The following CEP170 variants were observed in gnomAD, a reference collection of about 807,000 sequenced individuals.
CEP170 encodes centrosomal protein of 170 kDa.
In CEP170, 21 loss-of-function variants were observed where a neutral mutation model predicts 151.9. The ratio of observed to expected loss-of-function variants is 0.14; its 90% CI spans 0.10 to 0.20. The LOEUF (loss-of-function observed/expected upper bound fraction) is 0.20, where lower values mean the gene tolerates loss of function less well. Among genes scored for constraint, CEP170 ranks in the 10% least tolerant of loss-of-function variants. CEP170 has a pLI of 1.00. For missense variants in CEP170, 964 were observed against 1,892.9 expected, an observed-to-expected ratio of 0.51 and a Z score of 9.11; for synonymous variants, 356 against 648.8, an observed-to-expected ratio of 0.55 and a Z score of 6.86.
In CEP170 at chr1:243,207,474, G is replaced by A. The variant is rs142792687; in HGVS notation, c.274+4412C>T. Among the ~76,000 whole-genome samples the A allele has an allele frequency of 6.6e-3, 1,007 of 152,280 alleles. 11 individuals are homozygous for A. Among genetic ancestry groups the A allele is most frequent in the African/African-American group, 0.023 (956 of 41,560 alleles). On this transcript the variant is annotated intron_variant, in intron 4 of 19. Transcript: ENST00000366542. ...TACCCCTTTCTTAATAATTGAAAGA[G>A]TAAGAAGACAATAAATCAGTAAAAT...
chr1:243,181,457 A>T (rs2059612491), intron 10 of CEP170, among the ~76,000 whole-genome samples: 1 of 152,134 alleles, frequency 6.6e-6, no homozygotes, highest in Non-Finnish European at 1.5e-5. Context: ...CAAAATACAA[A>T]CCCAAATGCT....
intron 10 of CEP170, among the ~76,000 whole-genome samples, chr1:243,178,807 C>G (rs1022448667): frequency 4.6e-5 from 7 of 152,014 alleles, no homozygotes; most frequent in African/African-American, 1.4e-4. Flanking sequence ...CAACCTCCGC[C>G]TCCCGGGTTC....
At chr1:243,220,997 C>T (rs2062749295) in intron 3 of CEP170, among the ~76,000 whole-genome samples, 2 of 152,096 alleles carry the variant, frequency 1.3e-5, no homozygotes, top group Admixed American at 1.3e-4. Flanking sequence ...AAGTTGTCTA[C>T]TCTCTGGCAC....
chr1:243,209,629 T>C (rs959531370), intron 4 of CEP170, among the ~76,000 whole-genome samples: 2 of 152,004 alleles, frequency 1.3e-5, no homozygotes, highest in Admixed American at 1.3e-4. Context: ...AGTAAATATA[T>C]AAAACCTGCT....
chr1:243,159,255 TA>T (rs1322323694), intron 13 of CEP170, among the ~76,000 whole-genome samples: 1 of 151,940 alleles, frequency 6.6e-6, no homozygotes, highest in Admixed American at 6.6e-5. Flanking sequence ...GTGGAAAACA[TA>T]TCACACATGG....
chr1:243,139,471 T>C (rs1424997046), intron 16 of CEP170, among the ~76,000 whole-genome samples: 1 of 151,910 alleles, frequency 6.6e-6, no homozygotes, highest in Non-Finnish European at 1.5e-5. Context: ...ATAGGCTGTA[T>C]GTTTTGCAAA....
At chr1:243,158,769 T>C (rs944035837) in intron 13 of CEP170, among the ~76,000 whole-genome samples, 1 of 152,100 alleles carries the variant, frequency 6.6e-6, no homozygotes, top group African/African-American at 2.4e-5. Context: ...TAATATCTTT[T>C]AAAAGCAATC....
At chr1:243,191,843 T>A (rs576255543) in intron 7 of CEP170, among the ~76,000 whole-genome samples, 1 of 152,232 alleles carries the variant, frequency 6.6e-6, no homozygotes, top group East Asian at 1.9e-4. Flanking sequence ...TAGATGGAGA[T>A]GCATGTTCAA....
intron 14 of CEP170, among the ~76,000 whole-genome samples, chr1:243,153,016 T>C (rs1035288747): frequency 2.5e-4 from 38 of 152,132 alleles, no homozygotes; most frequent in African/African-American, 9.2e-4. Context: ...GGTAAAAATA[T>C]CAAGATTAAC....
intron 10 of CEP170, among the ~76,000 whole-genome samples, chr1:243,181,638 G>A (rs2059623358): frequency 6.6e-6 from 1 of 152,150 alleles, no homozygotes; most frequent in Admixed American, 6.5e-5. Flanking sequence ...TACACGGTTT[G>A]CTCATCTTCT....
chr1:243,225,985 A>ATC (rs1553395340), intron 1 of CEP170, among the ~76,000 whole-genome samples: 30 of 149,052 alleles, frequency 2.0e-4, no homozygotes, highest in South Asian at 4.2e-4. Flanking sequence ...CTATCTATCT[A>ATC]TATATATACA....
At chr1:243,209,750 G>A (rs2061658043) in intron 4 of CEP170, among the ~76,000 whole-genome samples, 1 of 151,924 alleles carries the variant, frequency 6.6e-6, no homozygotes, top group Non-Finnish European at 1.5e-5. Flanking sequence ...CACGATCTCG[G>A]CTCACTGCAA....
At chr1:243,187,011 T>C (rs2059980363) in intron 8 of CEP170, among the ~76,000 whole-genome samples, 1 of 152,200 alleles carries the variant, frequency 6.6e-6, no homozygotes, top group Non-Finnish European at 1.5e-5. Context: ...TTTCCACATA[T>C]CTTTCCAGCT....
At chr1:243,147,305 G>T (rs753157337) in intron 14 of CEP170, among the ~76,000 whole-genome samples, 7 of 152,144 alleles carry the variant, frequency 4.6e-5, no homozygotes, top group Non-Finnish European at 1.0e-4. Flanking sequence ...TAAAAGCAAT[G>T]AACATAACCA....
Position 243,156,380 on chromosome 1 carries a change from G to C in CEP170, c.3752C>G (p.Ser1251Cys), listed in dbSNP as rs754527611. 16 of 1,562,414 alleles carry C rather than the reference G, an allele frequency of 1.0e-5. No individual in the cohort carries two copies. Among genetic ancestry groups the C allele is most frequent in the Non-Finnish European group, 1.4e-5 (16 of 1,153,150 alleles). ...AGTACGTAGACGGGTATGTTTAGGG[G>C]AATTACGGTTTGATCCAAATTCATC... ...SEDEFGSNRN[S>C]PKHTRLRTSP... Residue 1251 changes from serine to cysteine, a missense_variant, in exon 14 of 20, where the codon TCC becomes TGC. Transcript: ENST00000366542.
chr1:243,241,754 C>T (rs1250493605), intron 1 of CEP170, among the ~76,000 whole-genome samples: 1 of 150,758 alleles, frequency 6.6e-6, no homozygotes, highest in African/African-American at 2.4e-5. Flanking sequence ...CTCACCACTG[C>T]ACTCCAGCCT....
chr1:243,156,826 C>CA lies in CEP170; in HGVS notation c.3677-372dup, dbSNP rs57953182. ...TACTTGAGTGAAAATATGAATTTTT[C>CA]AAAAAAAAAAAGACAGTAACAACAT... On this transcript the variant is annotated intron_variant, in intron 13 of 19. Transcript: ENST00000366542. The CA allele has an allele frequency of 2.7e-3, 329 of 122,804 alleles. 1 individual carries two copies. The highest frequency in any genetic ancestry group is 0.012 in the South Asian group (42 of 3,626). The allele number at this position is 122,804 out of a possible 1,614,324, so 7.6% of individuals were successfully genotyped here.
chr1:243,242,354 G>A lies in CEP170; in HGVS notation c.-42+12686C>T, dbSNP rs190558411. Among the ~76,000 whole-genome samples, 690 of 152,204 alleles carry A rather than the reference G, an allele frequency of 4.5e-3. 6 individuals carry two copies. The highest frequency in any genetic ancestry group is 3.8e-3 in the Admixed American group (58 of 15,288). On this transcript the variant is annotated intron_variant, in intron 1 of 19. Transcript: ENST00000366542. ...CTGCCTCAGCCTCCCGAGTAACTGGGACTACAGGCGCCCGCCACCACGCCC... is the reference window on the plus strand; with the variant it reads ...CTGCCTCAGCCTCCCGAGTAACTGGAACTACAGGCGCCCGCCACCACGCCC...
chr1:243,126,466 C>G lies in CEP170; in HGVS notation c.4738G>C (p.Val1580Leu), dbSNP rs527593479. ...AGAGAAAGTCATTCTTGTACTGTAA[C>G]ATCTTCCTCTTCCCCATCGGGGTTG... ...RFNPDGEEED[V>L]TVQE is the part of the protein sequence containing the mutation. The change falls in exon 20 of 20, where the codon GTT becomes CTT. Residue 1580 changes from valine to leucine, a missense_variant. By Grantham distance (32) the Val-to-Leu change is conservative (BLOSUM62 1). Coordinates refer to ENST00000366542, the MANE Select transcript of CEP170 (RefSeq NM_014812.3). 10 of 1,608,728 alleles carry G rather than the reference C, an allele frequency of 6.2e-6. No homozygotes were observed. The highest frequency in any genetic ancestry group is 8.5e-6 in the Non-Finnish European group (10 of 1,177,156).
Sources: allele counts gnomAD v4.1 joint callset (sites outside exome capture counted in the v4.1 genomes callset), GRCh38; gene constraint gnomAD v4.1.1; transcripts MANE v1.5; gene names NCBI Gene and HGNC (gene_info 2026-07-23, HGNC 2026-07-21).